Variants in CNTNAP2 observed in about 807,000 individuals in gnomAD.
CNTNAP2 encodes the protein contactin associated protein 2.
Under a neutral mutation model 155.2 loss-of-function variants are expected in CNTNAP2, and 98 were observed. The observed-to-expected ratio is 0.63, with a 90% confidence interval of 0.54 to 0.75. The LOEUF is 0.75. Among genes scored for constraint, CNTNAP2 ranks in the 30% least tolerant of loss-of-function variants. CNTNAP2 has a pLI of 0.00. For synonymous variants in CNTNAP2, 651 were observed against 631.2 expected (o/e 1.03, Z -0.47); for missense variants, 1,727 against 1,688.1 (o/e 1.02, Z -0.40).
chr7:147,764,264 G>T (rs1027654221), intron 13 of CNTNAP2, among the ~76,000 whole-genome samples: 7 of 152,078 alleles, frequency 4.6e-5, no homozygotes, highest in African/African-American at 1.2e-4. Flanking sequence ...AGGGTCAACT[G>T]CTCCTCAGTG....
chr7:147,842,607 T>TA (rs1798769530), intron 13 of CNTNAP2, among the ~76,000 whole-genome samples: 9 of 128,350 alleles, frequency 7.0e-5, no homozygotes, highest in African/African-American at 2.4e-4. Flanking sequence ...TTTTTTTTAT[T>TA]ATACTCTAAG....
intron 9 of CNTNAP2, among the ~76,000 whole-genome samples, chr7:147,309,728 C>T (rs2692175): frequency 0.53 from 79,815 of 151,880 alleles, 21,789 homozygotes; most frequent in East Asian, 0.73. Context: ...TTTTAAAAAA[C>T]ACTTTTTTTA....
intron 1 of CNTNAP2, among the ~76,000 whole-genome samples, chr7:146,707,811 A>G (rs535322574): frequency 3.3e-4 from 51 of 152,330 alleles, no homozygotes; most frequent in African/African-American, 1.2e-3. Context: ...AAGAATGTGC[A>G]TCTGTAATCC....
At chr7:147,169,922 A>G (rs914995744) in intron 8 of CNTNAP2, among the ~76,000 whole-genome samples, 3 of 151,996 alleles carry the variant, frequency 2.0e-5, no homozygotes, top group African/African-American at 7.3e-5. Flanking sequence ...CAGATTCTGA[A>G]TTTCATCTGT....
At chr7:147,822,534 G>T (rs893455742) in intron 13 of CNTNAP2, among the ~76,000 whole-genome samples, 1 of 152,074 alleles carries the variant, frequency 6.6e-6, no homozygotes, top group African/African-American at 2.4e-5. Context: ...TTGGAGTGTT[G>T]TCTATTTTGT....
intron 1 of CNTNAP2, among the ~76,000 whole-genome samples, chr7:146,634,258 C>T (rs1237170235): frequency 6.6e-6 from 1 of 152,140 alleles, no homozygotes; most frequent in Non-Finnish European, 1.5e-5. Context: ...CAAAATATTT[C>T]TGAAAACCAT....
At chr7:148,079,014 C>T (rs180993418) in intron 15 of CNTNAP2, among the ~76,000 whole-genome samples, 19 of 152,272 alleles carry the variant, frequency 1.2e-4, no homozygotes, top group Non-Finnish European at 2.6e-4. Context: ...GTGTCTACAT[C>T]TTGAATAATT....
intron 10 of CNTNAP2, among the ~76,000 whole-genome samples, chr7:147,422,821 A>T (rs1358580599): frequency 2.4e-4 from 37 of 152,154 alleles, no homozygotes; most frequent in Admixed American, 2.4e-3. Flanking sequence ...AACCCTTTAA[A>T]TACTTGAACA....
At chr7:146,841,810 C>G (rs796658298) in intron 3 of CNTNAP2, among the ~76,000 whole-genome samples, 3 of 151,260 alleles carry the variant, frequency 2.0e-5, no homozygotes, top group African/African-American at 4.9e-5. Context: ...AAATACTGAA[C>G]AGTTAAGGAC....
At position 146,859,447 on chromosome 7, in the gene CNTNAP2, G is replaced by A. The variant is rs542494812; in HGVS notation, c.402+19543G>A. 3.4e-4 allele frequency among the ~76,000 whole-genome samples: 52 copies of A among 152,038 alleles called. 1 individual carries two copies. In the South Asian group the frequency reaches 1.0e-2, roughly 29 times the overall value. On this transcript the variant is annotated intron_variant, in intron 3 of 23. Transcript: ENST00000361727. Reference sequence around the variant, plus strand: ...CAAGGCGGTTGGATCACCTGAGGCCGGGAGTTCAAGACCAGCCTGATCAAC... The same window carrying A: ...CAAGGCGGTTGGATCACCTGAGGCCAGGAGTTCAAGACCAGCCTGATCAAC...
chr7:147,761,876 T>A (rs1327683746), intron 13 of CNTNAP2, among the ~76,000 whole-genome samples: 1 of 152,110 alleles, frequency 6.6e-6, no homozygotes, highest in Non-Finnish European at 1.5e-5. Flanking sequence ...GATTCTTCAG[T>A]CAAGCACCAA....
At chr7:147,848,285 G>A (rs940189997) in intron 13 of CNTNAP2, among the ~76,000 whole-genome samples, 7 of 148,586 alleles carry the variant, frequency 4.7e-5, no homozygotes, top group African/African-American at 1.7e-4. Flanking sequence ...CCAGGTGTGG[G>A]ATATAGTCTC....
intron 8 of CNTNAP2, among the ~76,000 whole-genome samples, chr7:147,178,923 ACT>A (rs1343504720): frequency 2.0e-5 from 3 of 152,050 alleles, no homozygotes; most frequent in African/African-American, 7.2e-5. Context: ...TGGAAAGATG[ACT>A]CTGTTAGGAT....
At position 148,217,810 on chromosome 7, in the gene CNTNAP2, A is replaced by T. The variant is rs556178703; in HGVS notation, c.3247+286A>T. ...AAGAGATATGTTTGCATGTGTAATGATTATTTTTTCTCCCTACTAAATAAA... is the reference window on the plus strand; with the variant it reads ...AAGAGATATGTTTGCATGTGTAATGTTTATTTTTTCTCCCTACTAAATAAA... On this transcript the variant is annotated intron_variant, in intron 19 of 23. Coordinates refer to ENST00000361727, the MANE Select transcript of CNTNAP2 (RefSeq NM_014141.6). Among the ~76,000 whole-genome samples the T allele has an allele frequency of 7.2e-5, 11 of 152,338 alleles. No individual in the cohort carries two copies. The South Asian group carries it at 2.3e-3, about 32-fold the overall frequency.
chr7:146,558,606 G>T (rs938933575), intron 1 of CNTNAP2, among the ~76,000 whole-genome samples: 1 of 151,874 alleles, frequency 6.6e-6, no homozygotes, highest in Non-Finnish European at 1.5e-5. Flanking sequence ...TTTTGGGGGG[G>T]AAATAAGAAC....
rs528560377 is a variant in CNTNAP2, at chr7:146,149,953, TAAAC to T, written c.97+32992_97+32995del. ...AAGGAAAACCTGTGCTCTTCAGAAT[TAAAC>T]AAACAAACAAAAACACTAAGAGAAT... On this transcript the variant is annotated intron_variant, in intron 1 of 23. Transcript: ENST00000361727. Among the ~76,000 whole-genome samples, 45 of 149,526 alleles carry T rather than the reference TAAAC, an allele frequency of 3.0e-4. 1 individual carries two copies. In the South Asian group the frequency reaches 4.0e-3, roughly 13 times the overall value.
At chr7:147,102,788 A>T (rs1248489638) in intron 4 of CNTNAP2, among the ~76,000 whole-genome samples, 6 of 152,202 alleles carry the variant, frequency 3.9e-5, no homozygotes, top group Admixed American at 3.9e-4. Context: ...TGAAAAAAAG[A>T]AAGGCAGTGG....
At chr7:146,613,128 A>C (rs1037104165) in intron 1 of CNTNAP2, among the ~76,000 whole-genome samples, 2 of 152,142 alleles carry the variant, frequency 1.3e-5, no homozygotes, top group African/African-American at 4.8e-5. Flanking sequence ...AGTGTCAGGC[A>C]TTTGCAGAGA....
chr7:146,628,807 G>T (rs1255155254), intron 1 of CNTNAP2, among the ~76,000 whole-genome samples: 2 of 152,040 alleles, frequency 1.3e-5, no homozygotes, highest in African/African-American at 4.8e-5. Flanking sequence ...CTAGATCAAA[G>T]TGTTAAGAAT....
Sources: gnomAD v4.1 joint callset for allele counts (sites outside exome capture counted in the v4.1 genomes callset) on GRCh38, gnomAD v4.1.1 for gene constraint, MANE v1.5 for transcripts, NCBI Gene and HGNC (gene_info 2026-07-23, HGNC 2026-07-21) for gene names.